PTPRT: variants seen among roughly 807,000 people sequenced by gnomAD.
PTPRT encodes receptor-type tyrosine-protein phosphatase T.
Under a neutral mutation model 176.8 loss-of-function variants are expected in PTPRT, and 56 were observed. The ratio of observed to expected loss-of-function variants is 0.32; its 90% CI spans 0.26 to 0.40. The LOEUF (loss-of-function observed/expected upper bound fraction) is 0.40. PTPRT is among the 10% of genes least tolerant of loss of function. The probability of loss-of-function intolerance (pLI) is 1.00; values close to 1 mark genes in which losing one functional copy is unlikely to be tolerated. For synonymous variants in PTPRT, 783 were observed against 739.0 expected, an observed-to-expected ratio of 1.06 and a Z score of -0.96; for missense variants, 1,540 against 1,908.2, an observed-to-expected ratio of 0.81 and a Z score of 3.60.
At position 42,873,478 on chromosome 20, in the gene PTPRT, C is replaced by A. The variant is rs926741993; in HGVS notation, c.214+12329G>T. Among the ~76,000 whole-genome samples, 4 of 152,148 alleles carry A rather than the reference C, an allele frequency of 2.6e-5. No individual in the cohort carries two copies. In the South Asian group the frequency reaches 8.3e-4, roughly 32 times the overall value. On this transcript the variant is annotated intron_variant, in intron 2 of 30. Coordinates refer to ENST00000373187, the MANE Select transcript of PTPRT (RefSeq NM_007050.6). ...GGAATACAAGTGACGTCATAAAAAT[C>A]TAATAATCTAGGAGAGTATTGACCA...
chr20:42,336,954 T>A (rs1435495496), intron 11 of PTPRT, among the ~76,000 whole-genome samples: 1 of 152,150 alleles, frequency 6.6e-6, no homozygotes, highest in Non-Finnish European at 1.5e-5. Flanking sequence ...TCTAGACAAC[T>A]TTCTGTGGCC....
chr20:42,894,924 G>T (rs1423497934), intron 1 of PTPRT, among the ~76,000 whole-genome samples: 1 of 152,184 alleles, frequency 6.6e-6, no homozygotes, highest in African/African-American at 2.4e-5. Context: ...AGAACAGGGG[G>T]TGGTGTGGGC....
At chr20:43,063,559 C>G (rs1196169956) in intron 1 of PTPRT, 1 of 152,272 alleles carries the variant, frequency 6.6e-6, no homozygotes, top group African/African-American at 2.4e-5. Context: ...AACCTCCAAA[C>G]AAAGAGCCAA....
chr20:42,462,249 T>C (rs935202062), intron 8 of PTPRT, among the ~76,000 whole-genome samples: 3 of 152,058 alleles, frequency 2.0e-5, no homozygotes, highest in Admixed American at 2.0e-4. Flanking sequence ...ATAGGAGAAA[T>C]ATTCTCTGGG....
intron 16 of PTPRT, among the ~76,000 whole-genome samples, chr20:42,178,120 T>G (rs1178681780): frequency 2.0e-5 from 3 of 152,052 alleles, no homozygotes; most frequent in Non-Finnish European, 2.9e-5. Flanking sequence ...GTATTTTTAG[T>G]AGAGATAAGA....
intron 9 of PTPRT, among the ~76,000 whole-genome samples, chr20:42,392,453 A>AT (rs2058809259): frequency 6.6e-6 from 1 of 151,986 alleles, no homozygotes; most frequent in Non-Finnish European, 1.5e-5. Context: ...AATCCATTTC[A>AT]TTTTTCTTAC....
At chr20:42,692,117 C>T (rs1166967881) in intron 6 of PTPRT, among the ~76,000 whole-genome samples, 2 of 152,104 alleles carry the variant, frequency 1.3e-5, no homozygotes, top group South Asian at 4.1e-4. Context: ...TTTTAACACA[C>T]ACAAAAGGTT....
chr20:42,624,632 T>C lies in PTPRT; in HGVS notation c.1153+53234A>G, dbSNP rs569648481. Among the ~76,000 whole-genome samples the C allele has an allele frequency of 6.6e-5, 10 of 152,274 alleles. No homozygotes were observed. In the South Asian group the frequency reaches 2.1e-3, roughly 32 times the overall value. Reference sequence around the variant, plus strand: ...CCCCATAACCCAACTCAGTTCTGAATGTTCTGAAGAGAGTAAAGGAGAAAC... The same window carrying C: ...CCCCATAACCCAACTCAGTTCTGAACGTTCTGAAGAGAGTAAAGGAGAAAC... On this transcript the variant is annotated intron_variant, in intron 7 of 30. Coordinates refer to ENST00000373187, the MANE Select transcript of PTPRT (RefSeq NM_007050.6).
chr20:43,173,212 G>T (rs1431971399), intron 1 of PTPRT, among the ~76,000 whole-genome samples: 2 of 152,176 alleles, frequency 1.3e-5, no homozygotes, highest in Admixed American at 6.5e-5. Flanking sequence ...GGAAGATTCA[G>T]CCAAGAACTA....
At chr20:42,484,047 C>A (rs925760302) in intron 7 of PTPRT, among the ~76,000 whole-genome samples, 1 of 152,208 alleles carries the variant, frequency 6.6e-6, no homozygotes, top group Non-Finnish European at 1.5e-5. Context: ...GACACCAGCA[C>A]CAGCCTCTTT....
chr20:42,105,637 C>T (rs949376917), intron 24 of PTPRT, among the ~76,000 whole-genome samples: 3 of 152,188 alleles, frequency 2.0e-5, no homozygotes, highest in Admixed American at 6.5e-5. Context: ...GAATATGTCT[C>T]CCCATATGTC....
intron 7 of PTPRT, among the ~76,000 whole-genome samples, chr20:42,514,052 T>C (rs2145468451): frequency 6.6e-6 from 1 of 152,292 alleles, no homozygotes; most frequent in South Asian, 2.1e-4. Context: ...TCCATTTAGA[T>C]TGTTATCAAT....
chr20:42,847,636 T>C (rs913860132), intron 2 of PTPRT, among the ~76,000 whole-genome samples: 5 of 152,168 alleles, frequency 3.3e-5, no homozygotes, highest in Non-Finnish European at 7.3e-5. Flanking sequence ...TAGAGTCACA[T>C]GCCACAGCCA....
intron 1 of PTPRT, among the ~76,000 whole-genome samples, chr20:42,902,473 A>C (rs1435372948): frequency 6.6e-6 from 1 of 152,166 alleles, no homozygotes. Context: ...TGGCCCAGTG[A>C]GGATCAGAGG....
rs1195105599 is a variant in PTPRT, at chr20:42,118,422, T to C, written c.2963A>G (p.Asn988Ser). ...GCTTACCCTGCCCACTTCCACCAGGTTTGTGACCATGACGATGCTGGCGGA... is the reference window on the plus strand; with the variant it reads ...GCTTACCCTGCCCACTTCCACCAGGCTTGTGACCATGACGATGCTGGCGGA... ...ENSASIVMVTNLVEVGRVKCV... is the reference protein window; with the variant it reads ...ENSASIVMVTSLVEVGRVKCV... Residue 988 changes from asparagine (N) to serine (S), a missense_variant, in exon 21 of 31, where the codon AAC (asparagine) becomes AGC (serine). This residue lies in a region of PTPRT where 248 missense variants were observed against 356.7 expected (regional missense o/e 0.70). Coordinates refer to ENST00000373187, the MANE Select transcript of PTPRT (RefSeq NM_007050.6). 6 of 1,612,706 alleles carry C rather than the reference T, an allele frequency of 3.7e-6. No homozygotes were observed. The highest frequency in any genetic ancestry group is 4.2e-6 in the Non-Finnish European group (5 of 1,179,326).
At chr20:42,803,958 G>A (rs1349606159) in intron 2 of PTPRT, among the ~76,000 whole-genome samples, 1 of 152,158 alleles carries the variant, frequency 6.6e-6, no homozygotes, top group African/African-American at 2.4e-5. Context: ...AGGGCCAGCT[G>A]GGAGTGCGGT....
At chr20:42,086,726 C>CAAAAAAAAAA (rs367948746) in intron 27 of PTPRT, among the ~76,000 whole-genome samples, 1 of 82,212 alleles carries the variant, frequency 1.2e-5, no homozygotes, top group African/African-American at 6.2e-5. Context: ...GACTCCATCT[C>CAAAAAAAAAA]AAAAAAAAAA....
intron 1 of PTPRT, among the ~76,000 whole-genome samples, chr20:42,917,365 T>C (rs543028730): frequency 5.9e-5 from 9 of 152,238 alleles, no homozygotes; most frequent in South Asian, 2.1e-4. Context: ...GTTACTGTAG[T>C]CTTGTAGTAT....
chr20:42,283,047 C>A (rs547682023), intron 12 of PTPRT, among the ~76,000 whole-genome samples: 4 of 152,216 alleles, frequency 2.6e-5, no homozygotes, highest in African/African-American at 9.6e-5. Flanking sequence ...TTACTTTTCC[C>A]CTGAGCTCTT....
Sources: gnomAD v4.1 joint callset for allele counts (sites outside exome capture counted in the v4.1 genomes callset) on GRCh38, gnomAD v4.1.1 for gene constraint, gnomAD v4.1.1 regional missense constraint, MANE v1.5 for transcripts, NCBI Gene and HGNC (gene_info 2026-07-23, HGNC 2026-07-21) for gene names.